SRPK1: variants seen among roughly 807,000 people sequenced by gnomAD.
SRPK1 encodes the protein SFRS protein kinase 1.
In SRPK1, 52 loss-of-function variants were observed where a neutral mutation model predicts 89.5. The observed-to-expected ratio is 0.58, with a 90% confidence interval of 0.46 to 0.73. The LOEUF (loss-of-function observed/expected upper bound fraction) is 0.73. Among genes scored for constraint, SRPK1 ranks in the 30% least tolerant of loss-of-function variants. The pLI is 0.00. For missense variants in SRPK1, 603 were observed against 780.6 expected (o/e 0.77, Z 2.71); for synonymous variants, 255 against 270.2 (o/e 0.94, Z 0.55).
At chr6:35,867,602 G>C (rs1769934593) in intron 12 of SRPK1, among the ~76,000 whole-genome samples, 1 of 152,154 alleles carries the variant, frequency 6.6e-6, no homozygotes, top group African/African-American at 2.4e-5. Context: ...GATCACTTGA[G>C]GTCCGGAGTT....
intron 4 of SRPK1, 23 bp from the exon 5 acceptor site, chr6:35,888,134 T>G (rs923964078): frequency 6.6e-7 from 1 of 1,506,566 alleles, no homozygotes; most frequent in African/African-American, 1.4e-5. Flanking sequence ...CACAGGCAAT[T>G]AAGACTACAT....
intron 12 of SRPK1, among the ~76,000 whole-genome samples, chr6:35,861,184 T>C (rs1010049017): frequency 2.4e-4 from 37 of 152,050 alleles, no homozygotes; most frequent in African/African-American, 8.5e-4. Context: ...AGAGAAGTGA[T>C]AGGAAGCACC....
chr6:35,842,892 G>A (rs1243848311), intron 13 of SRPK1, among the ~76,000 whole-genome samples: 2 of 151,462 alleles, frequency 1.3e-5, no homozygotes, highest in Non-Finnish European at 2.9e-5. Context: ...GCCCTCCTGA[G>A]TTTCCCTTTT....
At chr6:35,845,433 GAAAC>G (rs1769406463) in intron 13 of SRPK1, among the ~76,000 whole-genome samples, 1 of 152,148 alleles carries the variant, frequency 6.6e-6, no homozygotes, top group African/African-American at 2.4e-5. Context: ...AGTCTATTAA[GAAAC>G]AAACCCAAAT....
In SRPK1 at chr6:35,870,361, T is replaced by G. The variant is rs957777539; in HGVS notation, c.911A>C (p.Asn304Thr). The G allele has an allele frequency of 6.2e-7, 1 of 1,610,618 alleles. No individual in the cohort carries two copies. The highest frequency in any genetic ancestry group is 1.3e-5 in the African/African-American group (1 of 75,032). ...KESGPGQKRP[N>T]KQEESESPVE... ...AGGACTCTCTGATTCTTCTTGCTTG[T>G]TTGGTCTTTTTTGCCCAGGGCCCGA... The change falls in exon 10 of 16, where the codon AAC becomes ACC. Residue 304 changes from asparagine (N) to threonine (T), a missense_variant. Coordinates refer to ENST00000373825, the MANE Select transcript of SRPK1 (RefSeq NM_003137.5).
At chr6:35,895,422 T>C (rs568742050) in intron 2 of SRPK1, among the ~76,000 whole-genome samples, 3 of 131,916 alleles carry the variant, frequency 2.3e-5, no homozygotes, top group Admixed American at 8.6e-5. Flanking sequence ...AAAACAAAGG[T>C]TGAGGCATAT....
intron 6 of SRPK1, 57 bp from the exon 7 acceptor site, chr6:35,874,396 G>A (rs1770110260): frequency 8.6e-7 from 1 of 1,165,510 alleles, no homozygotes; most frequent in East Asian, 2.4e-5. Flanking sequence ...GGCAAGACAA[G>A]CTGTGAATTC....
intron 6 of SRPK1, among the ~76,000 whole-genome samples, chr6:35,880,733 A>G (rs1313563265): frequency 3.5e-5 from 2 of 56,594 alleles, no homozygotes; most frequent in African/African-American, 2.4e-4. Context: ...AAAAAAAAAA[A>G]AGAAAAAAAA....
intron 13 of SRPK1, among the ~76,000 whole-genome samples, chr6:35,848,597 C>T (rs1294387051): frequency 6.6e-6 from 1 of 152,130 alleles, no homozygotes; most frequent in Non-Finnish European, 1.5e-5. Flanking sequence ...CACCTGATTT[C>T]AAACTATACT....
intron 15 of SRPK1, among the ~76,000 whole-genome samples, chr6:35,836,902 T>C (rs1275562817): frequency 6.6e-6 from 1 of 152,124 alleles, no homozygotes; most frequent in African/African-American, 2.4e-5. Context: ...GGAACTCTTA[T>C]GAAACATTTT....
intron 6 of SRPK1, among the ~76,000 whole-genome samples, chr6:35,883,600 A>G (rs1166287319): frequency 6.6e-6 from 1 of 152,202 alleles, no homozygotes; most frequent in African/African-American, 2.4e-5. Flanking sequence ...TATTAAAATG[A>G]CCAAACATAT....
At chr6:35,880,004 T>C (rs1220830390) in intron 6 of SRPK1, among the ~76,000 whole-genome samples, 2 of 149,780 alleles carry the variant, frequency 1.3e-5, no homozygotes, top group African/African-American at 4.9e-5. Flanking sequence ...AAGGCTGATG[T>C]GAGCTGTGTT....
intron 6 of SRPK1, among the ~76,000 whole-genome samples, chr6:35,883,043 G>A (rs549874052): frequency 1.4e-4 from 22 of 152,164 alleles, no homozygotes; most frequent in Admixed American, 9.8e-4. Context: ...TCCTGACCTC[G>A]TGATCCGCCC....
chr6:35,848,607 T>C (rs1393124809), intron 13 of SRPK1, among the ~76,000 whole-genome samples: 2 of 152,062 alleles, frequency 1.3e-5, no homozygotes, highest in African/African-American at 4.8e-5. Context: ...CAAACTATAC[T>C]ACAAAGCTAC....
At chr6:35,898,889 G>A (rs1265242778) in intron 2 of SRPK1, among the ~76,000 whole-genome samples, 3 of 152,154 alleles carry the variant, frequency 2.0e-5, no homozygotes, top group South Asian at 2.1e-4. Context: ...GACACCGGGC[G>A]TGGTGGCTCA....
At chr6:35,905,031 T>C (rs1770820741) in intron 2 of SRPK1, 1 of 411,624 alleles carries the variant, frequency 2.4e-6, no homozygotes, top group Non-Finnish European at 4.8e-6. Context: ...GGTGTAGTCC[T>C]AGCTACTCCA....
intron 14 of SRPK1, among the ~76,000 whole-genome samples, chr6:35,841,024 C>T (rs895208782): frequency 5.3e-5 from 8 of 152,078 alleles, no homozygotes; most frequent in Non-Finnish European, 5.9e-5. Context: ...CCACACACTA[C>T]CATTTATGGA....
chr6:35,899,460 C>A (rs553988425), intron 2 of SRPK1, among the ~76,000 whole-genome samples: 1 of 152,268 alleles, frequency 6.6e-6, no homozygotes, highest in East Asian at 1.9e-4. Context: ...CAGACACTCC[C>A]AGAATGTAAG....
intron 2 of SRPK1, among the ~76,000 whole-genome samples, chr6:35,904,003 T>C (rs1770797041): frequency 2.0e-5 from 3 of 151,484 alleles, no homozygotes; most frequent in Admixed American, 2.0e-4. Flanking sequence ...AGGGTCCCAC[T>C]GAATTGCCCA....
Sources: gnomAD v4.1 joint callset for allele counts (sites outside exome capture counted in the v4.1 genomes callset) on GRCh38, gnomAD v4.1.1 for gene constraint, MANE v1.5 for transcripts, NCBI Gene and HGNC (gene_info 2026-07-23, HGNC 2026-07-21) for gene names.